The following CHN2 variants were observed in gnomAD, a reference collection of about 807,000 sequenced individuals.
CHN2 encodes the protein chimerin 2.
In CHN2, 35 loss-of-function variants were observed where a neutral mutation model predicts 56.3. The observed-to-expected ratio is 0.62, with a 90% confidence interval of 0.47 to 0.82. The LOEUF (loss-of-function observed/expected upper bound fraction) is 0.82. Ranked by LOEUF, CHN2 falls within the 40% of genes least tolerant of loss-of-function variation. CHN2 has a pLI of 0.00. For synonymous variants in CHN2, 210 were observed against 212.8 expected (o/e 0.99, Z 0.12); for missense variants, 491 against 580.5 (o/e 0.85, Z 1.58).
In CHN2 at chr7:29,437,373, C is replaced by T. The variant is rs974848725; in HGVS notation, c.576+36545C>T. 1.4e-4 allele frequency among the ~76,000 whole-genome samples: 12 copies of T among 84,872 alleles called. 2 individuals are homozygous for T. The highest frequency in any genetic ancestry group is 6.0e-4 in the South Asian group (2 of 3,354). The allele number at this position is 84,872 out of a possible 152,430, so 55.7% of individuals were successfully genotyped here. Reference sequence around the variant, plus strand: ...CAGCACTTTGGGAGGCCGAGGCGGGCGGATCACGAGGTCAGGAGATCGAGA... The same window carrying T: ...CAGCACTTTGGGAGGCCGAGGCGGGTGGATCACGAGGTCAGGAGATCGAGA... On this transcript the variant is annotated intron_variant, in intron 6 of 12. Transcript: ENST00000222792.
chr7:29,163,681 C>G (rs1035773042), intron 2 of CHN2, among the ~76,000 whole-genome samples: 10 of 152,132 alleles, frequency 6.6e-5, no homozygotes, highest in African/African-American at 2.4e-4. Context: ...TCATTGCCCC[C>G]AAAAGTTTCC....
In CHN2 at chr7:29,436,678, A is replaced by G. The variant is rs186737202; in HGVS notation, c.576+35850A>G. ...TATTTGAATTCTCCAAAGACAGACT[A>G]TAGACCACACCGTTTGTCCCCTAAG... On this transcript the variant is annotated intron_variant, in intron 6 of 12. Transcript: ENST00000222792. Among the ~76,000 whole-genome samples, 97 of 152,266 alleles carry G rather than the reference A, an allele frequency of 6.4e-4. 1 individual carries two copies. The highest frequency in any genetic ancestry group is 2.2e-3 in the African/African-American group (91 of 41,542).
intron 8 of CHN2, among the ~76,000 whole-genome samples, chr7:29,498,961 A>G (rs1789626339): frequency 1.3e-5 from 2 of 152,048 alleles, no homozygotes; most frequent in Non-Finnish European, 2.9e-5. Flanking sequence ...GGGTTTCACC[A>G]TGTTGACTGG....
chr7:29,400,554 A>G lies in CHN2; in HGVS notation c.302A>G (p.Gln101Arg), dbSNP rs1802123207. Reference protein sequence around the residue: ...CYTLALRFGNQTLNYRLFHDG... With the variant: ...CYTLALRFGNRTLNYRLFHDG... Reference sequence around the variant, plus strand: ...TCTCTCACGGGCAGGTTTGGAAACCAGACCTTAAACTACAGGCTCTTCCAC... The same window carrying G: ...TCTCTCACGGGCAGGTTTGGAAACCGGACCTTAAACTACAGGCTCTTCCAC... The change falls in exon 6 of 13, where the codon CAG (glutamine) becomes CGG (arginine). Residue 101 changes from glutamine (Q) to arginine (R), a missense_variant. Physicochemically the swap from Gln to Arg is conservative, Grantham distance 43 (BLOSUM62 1). Coordinates refer to ENST00000222792, the MANE Select transcript of CHN2 (RefSeq NM_004067.4). The G allele has an allele frequency of 6.2e-7, 1 of 1,614,000 alleles. No homozygotes were observed. The highest frequency in any genetic ancestry group is 1.7e-4 in the Middle Eastern group (1 of 6,060).
chr7:29,320,807 T>C (rs527413686), intron 1 of CHN2, among the ~76,000 whole-genome samples: 1 of 152,298 alleles, frequency 6.6e-6, no homozygotes, highest in Non-Finnish European at 1.5e-5. Flanking sequence ...CCTGGTCCAT[T>C]CTTTCCAGTC....
intron 6 of CHN2, among the ~76,000 whole-genome samples, chr7:29,446,741 T>C (rs949502657): frequency 6.6e-6 from 1 of 152,158 alleles, no homozygotes; most frequent in Admixed American, 6.5e-5. Flanking sequence ...AGTGCATGCA[T>C]GTAACAAAAC....
chr7:29,455,838 G>A (rs986869622), intron 6 of CHN2, among the ~76,000 whole-genome samples: 1 of 152,146 alleles, frequency 6.6e-6, no homozygotes, highest in African/African-American at 2.4e-5. Context: ...TCCTCTGGCC[G>A]TGTGGTGGCC....
At chr7:29,241,543 T>C (rs1787682270) in intron 1 of CHN2, among the ~76,000 whole-genome samples, 1 of 152,002 alleles carries the variant, frequency 6.6e-6, no homozygotes, top group Non-Finnish European at 1.5e-5. Flanking sequence ...GAGCCAAGTT[T>C]TGGAAAATGA....
intron 1 of CHN2, among the ~76,000 whole-genome samples, chr7:29,228,254 C>T (rs545157296): frequency 2.6e-5 from 4 of 151,768 alleles, no homozygotes; most frequent in African/African-American, 4.8e-5. Context: ...ATGATGTTTC[C>T]GTCATCGACA....
chr7:29,391,741 C>T (rs537310287), intron 3 of CHN2, among the ~76,000 whole-genome samples: 8 of 152,314 alleles, frequency 5.3e-5, no homozygotes, highest in East Asian at 1.9e-4. Context: ...CACCCCTGAG[C>T]GCCTCATACC....
At chr7:29,258,070 C>A (rs1789223233) in intron 1 of CHN2, among the ~76,000 whole-genome samples, 1 of 152,134 alleles carries the variant, frequency 6.6e-6, no homozygotes, top group Non-Finnish European at 1.5e-5. Context: ...AGGTGTGAGC[C>A]ATTGCGCCCA....
Position 29,479,639 on chromosome 7 carries a change from TTCAGAGCCCC to T in CHN2, c.577-639_577-630del. ...TGTTGGAGCTCAGCCCAGGATGGGG[TTCAGAGCCCC>T]AGATTAATTGGATGCAGCCTCAGAC... On this transcript the variant is annotated intron_variant, in intron 6 of 12. Coordinates refer to ENST00000222792, the MANE Select transcript of CHN2 (RefSeq NM_004067.4). 9.8e-6 allele frequency: 10 copies of T among 1,019,292 alleles called. No homozygotes were observed. In the Admixed American group the frequency reaches 1.5e-4, roughly 15 times the overall value. 63.1% of individuals were successfully genotyped at this position (1,019,292 alleles called of 1,614,324 possible).
chr7:29,158,206 A>C (rs1794692434), intron 2 of CHN2, among the ~76,000 whole-genome samples: 1 of 152,194 alleles, frequency 6.6e-6, no homozygotes, highest in Non-Finnish European at 1.5e-5. Flanking sequence ...GGAATGAATG[A>C]ATGTCTACAA....
At chr7:29,440,698 A>T (rs1370677958) in intron 6 of CHN2, among the ~76,000 whole-genome samples, 16 of 128,300 alleles carry the variant, frequency 1.2e-4, no homozygotes, top group South Asian at 4.7e-4. Flanking sequence ...AAAAAAAAAA[A>T]AAAAAAAAAA....
chr7:29,449,669 A>G (rs1784269121), intron 6 of CHN2, among the ~76,000 whole-genome samples: 1 of 152,256 alleles, frequency 6.6e-6, no homozygotes, highest in South Asian at 2.1e-4. Flanking sequence ...TATGTTGAGC[A>G]CAGTGCCTGG....
At chr7:29,503,095 A>C (rs532805669) in intron 9 of CHN2, among the ~76,000 whole-genome samples, 2 of 152,292 alleles carry the variant, frequency 1.3e-5, no homozygotes, top group African/African-American at 4.8e-5. Context: ...CACCAAATTT[A>C]CATATTGAAG....
chr7:29,182,982 A>G (rs1798247743), intron 2 of CHN2, among the ~76,000 whole-genome samples: 1 of 152,208 alleles, frequency 6.6e-6, no homozygotes, highest in Admixed American at 6.5e-5. Flanking sequence ...TTCTTGGGTT[A>G]AAGAAGGGAT....
At chr7:29,439,072 A>G (rs1212801158) in intron 6 of CHN2, among the ~76,000 whole-genome samples, 10 of 152,160 alleles carry the variant, frequency 6.6e-5, no homozygotes, top group Non-Finnish European at 1.3e-4. Context: ...TACAAAACCT[A>G]CTGTTTCTTG....
At chr7:29,323,990 C>T (rs39126) in intron 1 of CHN2, among the ~76,000 whole-genome samples, 26,991 of 150,588 alleles carry the variant, frequency 0.18, 2,554 homozygotes, top group South Asian at 0.31. Context: ...GGCGACAGAG[C>T]GAGACCCCGT....
Sources: gnomAD v4.1 joint callset for allele counts (sites outside exome capture counted in the v4.1 genomes callset) on GRCh38, gnomAD v4.1.1 for gene constraint, MANE v1.5 for transcripts, NCBI Gene and HGNC (gene_info 2026-07-23, HGNC 2026-07-21) for gene names.